ADAM18: variants seen among roughly 807,000 people sequenced by gnomAD.
The protein encoded by ADAM18 is ADAM metallopeptidase domain 18, also known as disintegrin and metalloproteinase domain-containing protein 18.
ADAM18 carries 117 observed loss-of-function variants against 94.4 expected under a neutral mutation model. The observed-to-expected ratio is 1.24, with a 90% CI of 1.07 to 1.45. The LOEUF is 1.45. Among genes scored for constraint, ADAM18 ranks in the 40% most tolerant of loss-of-function variants. ADAM18 has a pLI of 0.00. For synonymous variants in ADAM18, 327 were observed against 291.6 expected, an observed-to-expected ratio of 1.12 and a Z score of -1.24; for missense variants, 936 against 880.0, an observed-to-expected ratio of 1.06 and a Z score of -0.81.
intron 10 of ADAM18, among the ~76,000 whole-genome samples, chr8:39,641,946 A>G (rs953258071): frequency 5.3e-5 from 8 of 152,060 alleles, no homozygotes; most frequent in African/African-American, 1.7e-4. Flanking sequence ...TTTTAGTAAT[A>G]GCCACTCTTA....
chr8:39,621,318 C>CAT (rs1404792534), intron 6 of ADAM18, among the ~76,000 whole-genome samples: 1 of 75,108 alleles, frequency 1.3e-5, no homozygotes, highest in Non-Finnish European at 2.8e-5. Flanking sequence ...ATCACACACA[C>CAT]ACACACACAC....
At chr8:39,632,625 T>C (rs971513543) in intron 7 of ADAM18, among the ~76,000 whole-genome samples, 1 of 152,160 alleles carries the variant, frequency 6.6e-6, no homozygotes, top group African/African-American at 2.4e-5. Flanking sequence ...TCCTTTCTTA[T>C]AATGATTTTT....
intron 19 of ADAM18, 72 bp from the exon 20 acceptor site, chr8:39,729,826 G>C: frequency 2.4e-6 from 3 of 1,271,362 alleles, no homozygotes; most frequent in Non-Finnish European, 3.4e-6. Flanking sequence ...AGTAAATATG[G>C]TTTAAAATAG....
intron 2 of ADAM18, among the ~76,000 whole-genome samples, chr8:39,589,634 A>G (rs1242917054): frequency 1.3e-5 from 2 of 151,710 alleles, no homozygotes; most frequent in African/African-American, 4.8e-5. Context: ...ATAAATATAT[A>G]CACCAACATG....
chr8:39,610,033 A>C (rs1385402499), intron 5 of ADAM18, among the ~76,000 whole-genome samples: 5 of 152,204 alleles, frequency 3.3e-5, no homozygotes, highest in African/African-American at 1.2e-4. Context: ...CAGGAAAAAA[A>C]GGATCCGGAG....
intron 18 of ADAM18, 90 bp from the exon 19 acceptor site, chr8:39,723,658 T>C: frequency 1.1e-6 from 1 of 927,378 alleles, no homozygotes; most frequent in Non-Finnish European, 1.5e-6. Context: ...AACTTCATTA[T>C]ATATACACGT....
At chr8:39,632,203 T>C (rs1819949382) in intron 7 of ADAM18, among the ~76,000 whole-genome samples, 1 of 152,046 alleles carries the variant, frequency 6.6e-6, no homozygotes, top group East Asian at 1.9e-4. Flanking sequence ...AATTTACCTA[T>C]TTATTTTACT....
At chr8:39,640,802 T>G (rs1483317033) in intron 10 of ADAM18, among the ~76,000 whole-genome samples, 1 of 132,280 alleles carries the variant, frequency 7.6e-6, no homozygotes, top group Non-Finnish European at 1.7e-5. Context: ...TTTTTTCATA[T>G]TTTTGGCCAC....
chr8:39,658,798 T>G (rs990180489), intron 12 of ADAM18, among the ~76,000 whole-genome samples: 1 of 152,058 alleles, frequency 6.6e-6, no homozygotes, highest in African/African-American at 2.4e-5. Flanking sequence ...AACACTGCAT[T>G]AGGGAGGGTT....
chr8:39,678,778 G>A (rs1257284770), intron 15 of ADAM18, among the ~76,000 whole-genome samples: 1 of 152,194 alleles, frequency 6.6e-6, no homozygotes, highest in Non-Finnish European at 1.5e-5. Context: ...TTTGTCTTAT[G>A]TGATAATAGT....
At chr8:39,598,454 C>T (rs575752010) in intron 2 of ADAM18, among the ~76,000 whole-genome samples, 8 of 151,850 alleles carry the variant, frequency 5.3e-5, no homozygotes, top group East Asian at 1.9e-4. Context: ...AAATTTTTAT[C>T]GCCATCGTTA....
At chr8:39,665,094 G>A (rs1993120) in intron 13 of ADAM18, among the ~76,000 whole-genome samples, 119,549 of 152,034 alleles carry the variant, frequency 0.79, 47,647 homozygotes, top group Middle Eastern at 0.88. Context: ...TTTATACTCA[G>A]TCCATGACTC....
intron 2 of ADAM18, among the ~76,000 whole-genome samples, chr8:39,591,005 A>G (rs1355534591): frequency 6.6e-6 from 1 of 152,208 alleles, no homozygotes; most frequent in East Asian, 1.9e-4. Context: ...TACCAAACTT[A>G]TGTTTGGTAT....
At chr8:39,714,649 T>C (rs573152781) in intron 18 of ADAM18, among the ~76,000 whole-genome samples, 1 of 151,980 alleles carries the variant, frequency 6.6e-6, no homozygotes, top group Non-Finnish European at 1.5e-5. Context: ...CTAGGACAAA[T>C]AGAAAAATCC....
chr8:39,618,067 A>G (rs1819496982), intron 6 of ADAM18, among the ~76,000 whole-genome samples: 2 of 152,252 alleles, frequency 1.3e-5, no homozygotes, highest in Non-Finnish European at 2.9e-5. Context: ...TTTATCTGTA[A>G]GTATACACAT....
In ADAM18 at chr8:39,648,374, C is replaced by T. The variant is rs762204358; in HGVS notation, c.1077C>T (p.Asn359=). 1.2e-6 allele frequency: 2 copies of T among 1,603,738 alleles called. No homozygotes were observed. The highest frequency in any genetic ancestry group is 1.7e-6 in the Non-Finnish European group (2 of 1,175,550). The change falls in exon 12 of 20, where the codon AAC becomes AAT. Residue 359 remains asparagine, a synonymous_variant. Coordinates refer to ENST00000265707, the MANE Select transcript of ADAM18 (RefSeq NM_014237.3). ...CCAGTGGTAGAAAGATTTTTAGCAA[C>T]TGCAGCATGCACGACTATAGATATT... The part of the protein sequence containing the change: ...VSASGRKIFS[N]CSMHDYRYFV...
chr8:39,679,839 G>C (rs1821395011), intron 15 of ADAM18, among the ~76,000 whole-genome samples, 198 bp from the exon 16 acceptor site: 1 of 152,152 alleles, frequency 6.6e-6, no homozygotes, highest in Non-Finnish European at 1.5e-5. Context: ...TTCACGCTGA[G>C]TTAAGCATAT....
At chr8:39,620,018 A>T (rs1819560981) in intron 6 of ADAM18, among the ~76,000 whole-genome samples, 1 of 152,106 alleles carries the variant, frequency 6.6e-6, no homozygotes. Flanking sequence ...AGACACATAG[A>T]CCAATGAAAT....
chr8:39,590,587 AAAAAT>A (rs1424020065), intron 2 of ADAM18, among the ~76,000 whole-genome samples: 2 of 152,216 alleles, frequency 1.3e-5, no homozygotes, highest in Non-Finnish European at 2.9e-5. Flanking sequence ...AAGTGTAATA[AAAAAT>A]AAAATAAAAT....
Sources: allele counts gnomAD v4.1 joint callset (sites outside exome capture counted in the v4.1 genomes callset), GRCh38; gene constraint gnomAD v4.1.1; transcripts MANE v1.5; gene names NCBI Gene and HGNC (gene_info 2026-07-23, HGNC 2026-07-21).